Variants in CFAP97 observed in about 807,000 individuals in gnomAD.
CFAP97 encodes the protein cilia- and flagella-associated protein 97.
In CFAP97, 36 loss-of-function variants were observed where a neutral mutation model predicts 43.1. The observed-to-expected ratio is 0.84, with a 90% CI of 0.64 to 1.10. The LOEUF (loss-of-function observed/expected upper bound fraction) is 1.10, where lower values mean the gene tolerates loss of function less well. CFAP97 is among the 50% of genes least tolerant of loss of function. The pLI is 0.00. For synonymous variants in CFAP97, 228 were observed against 225.7 expected, an observed-to-expected ratio of 1.01 and a Z score of -0.09; for missense variants, 657 against 620.3, an observed-to-expected ratio of 1.06 and a Z score of -0.63.
chr4:185,206,983 G>A (rs575013660), upstream of CFAP97, among the ~76,000 whole-genome samples: 8 of 152,220 alleles, frequency 5.3e-5, no homozygotes, highest in East Asian at 1.5e-3. Flanking sequence ...TGATGTCCAA[G>A]GATGGGAGAA....
At chr4:185,188,900 A>G (rs1486315039) in intron 2 of CFAP97, among the ~76,000 whole-genome samples, 1 of 151,966 alleles carries the variant, frequency 6.6e-6, no homozygotes, top group Non-Finnish European at 1.5e-5. Flanking sequence ...AATCAGAGAA[A>G]GGGAGAAAAA....
At chr4:185,190,064 A>G in intron 2 of CFAP97, 79 bp downstream of exon 2, 1 of 1,153,256 alleles carries the variant, frequency 8.7e-7, no homozygotes, top group Non-Finnish European at 1.2e-6. Flanking sequence ...TACTAGATCA[A>G]TGCAAATTCA....
Position 185,201,680 on chromosome 4 carries a change from T to C in CFAP97, c.-17+2218A>G, listed in dbSNP as rs142131602. ...CCACGGTATAGTGTAAACATAACTT[T>C]TATATGCACTGGGAAACCAAAAAAT... On this transcript the variant is annotated intron_variant, in intron 1 of 4. Transcript: ENST00000458385. 6.1e-3 allele frequency among the ~76,000 whole-genome samples: 926 copies of C among 152,350 alleles called. 7 individuals carry two copies. Among genetic ancestry groups the C allele is most frequent in the African/African-American group, 0.02 (849 of 41,586 alleles).
intron 2 of CFAP97, among the ~76,000 whole-genome samples, chr4:185,183,085 G>A (rs2111365549): frequency 6.6e-6 from 1 of 151,218 alleles, no homozygotes; most frequent in South Asian, 2.1e-4. Context: ...GGGTGACAGA[G>A]CAAGACTCCG....
intron 1 of CFAP97, among the ~76,000 whole-genome samples, chr4:185,192,198 C>T (rs1245572655): frequency 6.6e-6 from 1 of 152,200 alleles, no homozygotes; most frequent in Non-Finnish European, 1.5e-5. Context: ...CACATACAGG[C>T]TGCACAGGTA....
intron 2 of CFAP97, among the ~76,000 whole-genome samples, chr4:185,178,285 T>C (rs546263095): frequency 3.7e-4 from 51 of 136,598 alleles, no homozygotes; most frequent in Admixed American, 5.8e-4. Context: ...TCTTGCTCTG[T>C]CGCCCAGACT....
At chr4:185,182,295 T>G (rs1285325288) in intron 2 of CFAP97, 1 of 152,102 alleles carries the variant, frequency 6.6e-6, no homozygotes, top group Admixed American at 6.6e-5. Flanking sequence ...TCTCTGCCTA[T>G]TCAGGGATTT....
rs956292144 is a variant in CFAP97, at chr4:185,160,800, C to T, written c.*1998G>A. On this transcript the variant is annotated 3_prime_UTR_variant, in exon 5 of 5. Coordinates refer to ENST00000458385, the MANE Select transcript of CFAP97 (RefSeq NM_020827.3). The stretch of plus-strand genomic sequence containing the variant: ...TATAAAATGTACTCAGAGACTAATG[C>T]CATTATGAACAGAAAAGACTATATA... 1.2e-4 allele frequency: 18 copies of T among 148,572 alleles called. No individual in the cohort carries two copies. Among genetic ancestry groups the T allele is most frequent in the South Asian group, 4.2e-4 (2 of 4,710 alleles). The allele number at this position is 148,572 out of a possible 1,614,324, so 9.2% of individuals were successfully genotyped here.
chr4:185,199,215 G>C (rs1305159912), intron 1 of CFAP97, among the ~76,000 whole-genome samples: 1 of 152,058 alleles, frequency 6.6e-6, no homozygotes, highest in Non-Finnish European at 1.5e-5. Flanking sequence ...TCTACAAAAA[G>C]AGAAAAATTA....
In CFAP97 at chr4:185,175,872, G is replaced by C; in HGVS notation, c.1234C>G (p.Pro412Ala). ...TTTGGGGGATGATCAGCCGATCTAG[G>C]AATTGTACTTTTGCTTCCCGGCTTT... ...AEKPGSKSTI[P>A]RSADHPPKLY... Residue 412 changes from proline (P) to alanine (A), a missense_variant, in exon 3 of 5, where the codon CCT (proline) becomes GCT (alanine). Coordinates refer to ENST00000458385, the MANE Select transcript of CFAP97 (RefSeq NM_020827.3). 1.2e-6 allele frequency: 2 copies of C among 1,613,874 alleles called. No individual in the cohort carries two copies. Among genetic ancestry groups the C allele is most frequent in the Non-Finnish European group, 1.7e-6 (2 of 1,179,840 alleles).
At chr4:185,177,904 T>G (rs1237216905) in intron 2 of CFAP97, among the ~76,000 whole-genome samples, 2 of 152,092 alleles carry the variant, frequency 1.3e-5, no homozygotes, top group Non-Finnish European at 2.9e-5. Flanking sequence ...TTACATCACT[T>G]GGGCAAGGTC....
At chr4:185,175,739 C>A in intron 3 of CFAP97, 47 bp downstream of exon 3, 1 of 1,559,944 alleles carries the variant, frequency 6.4e-7, no homozygotes, top group South Asian at 1.2e-5. Flanking sequence ...ACATACAAAT[C>A]AGTGCAAACA....
chr4:185,172,543 G>A (rs951682169), intron 3 of CFAP97, among the ~76,000 whole-genome samples: 2 of 152,152 alleles, frequency 1.3e-5, no homozygotes, highest in Admixed American at 6.6e-5. Context: ...TTAGCCAGCT[G>A]AATTGTTCTC....
Position 185,175,950 on chromosome 4 carries a change from G to A in CFAP97, c.1156C>T (p.Gln386Ter). The A allele has an allele frequency of 6.2e-7, 1 of 1,613,748 alleles. No individual in the cohort carries two copies. Residue 386 changes from glutamine (Q) to a stop codon, truncating the protein, a stop_gained, in exon 3 of 5, where the codon CAG becomes TAG. Transcript: ENST00000458385. LOFTEE classifies it high-confidence loss of function. Reference sequence around the variant, plus strand: ...AGCCTCTGATTTTCCCGATCGATCTGTCTCACCTCTTCTCTTGTGAAAGAG... The same window carrying A: ...AGCCTCTGATTTTCCCGATCGATCTATCTCACCTCTTCTCTTGTGAAAGAG... ...NYSFTREEVRQIDRENQRLLK... is the reference protein window; with the variant it reads ...NYSFTREEVR
chr4:185,204,283 G>C (rs868601839), upstream of CFAP97: 1 of 152,226 alleles, frequency 6.6e-6, no homozygotes, highest in African/African-American at 2.4e-5. Context: ...CGTTGTTCTC[G>C]TGCGTTAATA....
chr4:185,204,867 T>C (rs1390095319), upstream of CFAP97, among the ~76,000 whole-genome samples: 1 of 152,218 alleles, frequency 6.6e-6, no homozygotes, highest in Non-Finnish European at 1.5e-5. Flanking sequence ...AGGAAGGAAC[T>C]AGAGCCTGCA....
intron 2 of CFAP97, among the ~76,000 whole-genome samples, chr4:185,185,633 CTTTTTT>C (rs376786641): frequency 9.4e-6 from 1 of 105,958 alleles, no homozygotes. Context: ...ATTTGCCAAC[CTTTTTT>C]TTTTTTTTTT....
At chr4:185,209,754 C>T (rs1737444608), upstream of CFAP97, 2 of 984,060 alleles carry the variant, frequency 2.0e-6, no homozygotes, top group South Asian at 9.4e-5. This position sits in a 1 kb window ranked among gnomAD's most constrained non-coding sequence, Gnocchi z 5.2. Flanking sequence ...CGCGGGCTCC[C>T]CCTGCCTCCG....
chr4:185,194,089 T>C (rs1736431071), intron 1 of CFAP97, among the ~76,000 whole-genome samples: 2 of 152,308 alleles, frequency 1.3e-5, no homozygotes, highest in Admixed American at 6.5e-5. Flanking sequence ...GATGGGTATA[T>C]GTATTGTCTC....
Sources: gnomAD v4.1 joint callset for allele counts (sites outside exome capture counted in the v4.1 genomes callset) on GRCh38, gnomAD v4.1.1 for gene constraint, Gnocchi (gnomAD v3.1) non-coding constraint, MANE v1.5 for transcripts, NCBI Gene and HGNC (gene_info 2026-07-23, HGNC 2026-07-21) for gene names.